The following MTHFD1 variants were observed in gnomAD, a reference collection of about 807,000 sequenced individuals.
The protein encoded by MTHFD1 is C-1-tetrahydrofolate synthase, cytoplasmic.
MTHFD1 carries 44 observed loss-of-function variants against 110.3 expected under a neutral mutation model. That is an observed-to-expected ratio of 0.40 (90% CI 0.31 to 0.51). MTHFD1 has a LOEUF of 0.51. Ranked by LOEUF, MTHFD1 falls within the 20% of genes least tolerant of loss-of-function variation. The pLI, the probability that MTHFD1 is intolerant of heterozygous loss-of-function variation, is 0.60. For missense variants in MTHFD1, 909 were observed against 1,173.1 expected (o/e 0.77, Z 3.29); for synonymous variants, 402 against 428.8 (o/e 0.94, Z 0.77).
At chr14:64,414,942 G>C (rs1438412212) in intron 4 of MTHFD1, among the ~76,000 whole-genome samples, 1 of 152,138 alleles carries the variant, frequency 6.6e-6, no homozygotes, top group Non-Finnish European at 1.5e-5. Flanking sequence ...ACCCACCTCA[G>C]CCTCCCAAAG....
At chr14:64,415,303 T>C in intron 4 of MTHFD1, 55 bp from the exon 5 acceptor site, 2 of 1,530,156 alleles carry the variant, frequency 1.3e-6, no homozygotes, top group Non-Finnish European at 1.8e-6. Context: ...AAAGTGTTTC[T>C]TCCTACCTTT....
At chr14:64,405,089 C>G (rs1596534251) in intron 2 of MTHFD1, among the ~76,000 whole-genome samples, 1 of 152,200 alleles carries the variant, frequency 6.6e-6, no homozygotes, top group Non-Finnish European at 1.5e-5. Context: ...GGCATGTTCT[C>G]TGCTGTGGTG....
intron 11 of MTHFD1, 89 bp downstream of exon 11, chr14:64,426,281 G>A: frequency 6.9e-7 from 1 of 1,450,406 alleles, no homozygotes; most frequent in South Asian, 1.1e-5. Flanking sequence ...TGTATGTAGA[G>A]GTGCCTTTAA....
chr14:64,429,261 A>AACATATATATATATATATATATATAT (rs11158541), intron 12 of MTHFD1, among the ~76,000 whole-genome samples: 10,090 of 107,910 alleles, frequency 0.094, 1,769 homozygotes, highest in Middle Eastern at 0.15. Context: ...TGTCTAAAAA[A>AACATATATATATATATATATATATAT]ATATATATCT....
In MTHFD1 at chr14:64,449,513, T is replaced by C; in HGVS notation, c.2348T>C (p.Val783Ala). The change falls in exon 24 of 28, where the codon GTG becomes GCG. Residue 783 changes from valine (V) to alanine (A), a missense_variant. Coordinates refer to ENST00000652337, the MANE Select transcript of MTHFD1 (RefSeq NM_005956.4). ...AGAGAACATGGGGCTTTTGATGCCG[T>C]GAAGTGCACTCACTGGGCAGAAGGG... Reference protein sequence around the residue: ...LSREHGAFDAVKCTHWAEGGK... With the variant: ...LSREHGAFDAAKCTHWAEGGK... The C allele has an allele frequency of 6.2e-7, 1 of 1,614,170 alleles. No homozygotes were observed. The highest frequency in any genetic ancestry group is 8.5e-7 in the Non-Finnish European group (1 of 1,180,046).
chr14:64,456,223 C>T (rs1438067444), intron 26 of MTHFD1, among the ~76,000 whole-genome samples: 1 of 152,184 alleles, frequency 6.6e-6, no homozygotes, highest in Admixed American at 6.5e-5. Flanking sequence ...TCAAGACTTT[C>T]TCATTTAGAA....
intron 23 of MTHFD1, 142 bp downstream of exon 23, chr14:64,448,459 A>G: frequency 1.4e-6 from 1 of 733,114 alleles, no homozygotes; most frequent in Non-Finnish European, 2.4e-6. Context: ...TGTGACAGGC[A>G]TTGCATACGT....
intron 7 of MTHFD1, among the ~76,000 whole-genome samples, chr14:64,418,889 C>T (rs2078047524): frequency 1.3e-5 from 2 of 151,930 alleles, no homozygotes; most frequent in South Asian, 2.1e-4. Context: ...GGGTCTTGCT[C>T]TGTTATTTAG....
chr14:64,448,392 C>T (rs1283682538), intron 23 of MTHFD1, 75 bp downstream of exon 23: 1 of 1,193,620 alleles, frequency 8.4e-7, no homozygotes, highest in African/African-American at 1.5e-5. Flanking sequence ...CTGCTTTTAG[C>T]TTTATTTTGT....
chr14:64,396,742 A>G (rs1479693629), intron 1 of MTHFD1, among the ~76,000 whole-genome samples: 2 of 151,768 alleles, frequency 1.3e-5, no homozygotes, highest in African/African-American at 2.4e-5. Flanking sequence ...GAACAAATGA[A>G]ATAAATCAAC....
intron 21 of MTHFD1, among the ~76,000 whole-genome samples, chr14:64,443,127 G>A (rs1229086265): frequency 6.6e-6 from 1 of 152,062 alleles, no homozygotes; most frequent in Non-Finnish European, 1.5e-5. Flanking sequence ...AGGACTCCCT[G>A]GCCTACAGGA....
intron 2 of MTHFD1, among the ~76,000 whole-genome samples, chr14:64,404,305 T>C (rs1208350035): frequency 6.6e-6 from 1 of 152,182 alleles, no homozygotes; most frequent in Non-Finnish European, 1.5e-5. Flanking sequence ...ATCACCCTAA[T>C]ACCTAAACCA....
At chr14:64,450,344 A>C (rs2078350657) in intron 24 of MTHFD1, among the ~76,000 whole-genome samples, 1 of 152,242 alleles carries the variant, frequency 6.6e-6, no homozygotes, top group African/African-American at 2.4e-5. Flanking sequence ...CTTTTCAGTA[A>C]TAGGGGAAAG....
Position 64,441,321 on chromosome 14 carries a change from T to C in MTHFD1, c.1816-64T>C, listed in dbSNP as rs1004621937. ...ATGGGTAAGCCTAGAATGTCAAATA[T>C]TGGTTTCAGAAGGTTGGGTTTTTTT... On this transcript the variant is annotated intron_variant, in intron 18 of 27. Coordinates refer to ENST00000652337, the MANE Select transcript of MTHFD1 (RefSeq NM_005956.4). The C allele has an allele frequency of 1.2e-5, 18 of 1,453,434 alleles. 1 individual carries two copies. The highest frequency in any genetic ancestry group is 8.4e-5 in the Admixed American group (5 of 59,780). The allele number at this position is 1,453,434 out of a possible 1,614,324, so 90.0% of individuals were successfully genotyped here. A position where few individuals can be genotyped will look rare whatever the true frequency, so the allele number is the denominator to read the frequency against.
Position 64,417,771 on chromosome 14 carries a change from G to C in MTHFD1, c.479-117G>C. On this transcript the variant is annotated intron_variant, in intron 6 of 27. Coordinates refer to ENST00000652337, the MANE Select transcript of MTHFD1 (RefSeq NM_005956.4). The surrounding 1 kb of genome is among the most constrained non-coding windows in gnomAD (Gnocchi z 4.4). ...CCAAAGAAGGAATGCTTTTAGGAAGGTTTCTGTTTGATGTTAAGAACCTGT... is the reference window on the plus strand; with the variant it reads ...CCAAAGAAGGAATGCTTTTAGGAAGCTTTCTGTTTGATGTTAAGAACCTGT... 1 of 1,285,448 alleles carries C rather than the reference G, an allele frequency of 7.8e-7. No individual in the cohort carries two copies. Among genetic ancestry groups the C allele is most frequent in the Non-Finnish European group, 1.1e-6 (1 of 891,734 alleles). The allele number at this position is 1,285,448 out of a possible 1,614,324, so 79.6% of individuals were successfully genotyped here.
At chr14:64,437,627 C>T (rs915318205) in intron 16 of MTHFD1, among the ~76,000 whole-genome samples, 2 of 152,200 alleles carry the variant, frequency 1.3e-5, no homozygotes, top group Non-Finnish European at 1.5e-5. Context: ...AGACACGAAT[C>T]GCAAGTCCAG....
chr14:64,407,835 A>G (rs778210408), intron 2 of MTHFD1, among the ~76,000 whole-genome samples: 58 of 152,266 alleles, frequency 3.8e-4, no homozygotes, highest in Admixed American at 1.1e-3. Flanking sequence ...GGCATGAGCC[A>G]CTGCACCTGG....
intron 2 of MTHFD1, among the ~76,000 whole-genome samples, chr14:64,409,335 T>C (rs2077963386): frequency 6.6e-6 from 1 of 152,192 alleles, no homozygotes; most frequent in South Asian, 2.1e-4. Context: ...AACTGACTTA[T>C]AAGTTACATT....
chr14:64,413,035 A>G (rs1596538176), intron 4 of MTHFD1, among the ~76,000 whole-genome samples: 1 of 151,850 alleles, frequency 6.6e-6, no homozygotes, highest in Admixed American at 6.6e-5. Flanking sequence ...TTTGCTTCCA[A>G]ATCATCTGTT....
Sources: gnomAD v4.1 joint callset for allele counts (sites outside exome capture counted in the v4.1 genomes callset) on GRCh38, gnomAD v4.1.1 for gene constraint, Gnocchi (gnomAD v3.1) non-coding constraint, MANE v1.5 for transcripts, NCBI Gene and HGNC (gene_info 2026-07-23, HGNC 2026-07-21) for gene names.